MGAM: variants seen among roughly 807,000 people sequenced by gnomAD.
MGAM encodes alpha-1,4-glucosidase.
MGAM carries 253 observed loss-of-function variants against 358.8 expected under a neutral mutation model. That is an observed-to-expected ratio of 0.71 (90% confidence interval 0.64 to 0.78). MGAM has a LOEUF of 0.78. Among genes scored for constraint, MGAM ranks in the 30% least tolerant of loss-of-function variants. MGAM has a pLI of 0.00. For synonymous variants in MGAM, 1,105 were observed against 1,227.1 expected, an observed-to-expected ratio of 0.90 and a Z score of 2.08; for missense variants, 3,080 against 3,432.6, an observed-to-expected ratio of 0.90 and a Z score of 2.57.
intron 44 of MGAM, among the ~76,000 whole-genome samples, chr7:142,072,781 A>G (rs1472349293): frequency 6.8e-6 from 1 of 146,236 alleles, no homozygotes; most frequent in Non-Finnish European, 1.5e-5. Flanking sequence ...ACTTCCATCA[A>G]GGATCCCGGC....
In MGAM at chr7:142,042,513, A is replaced by G. The variant is rs1200739911; in HGVS notation, c.2498+1667A>G. ...TACATATATATAATATATAATATAT[A>G]TTATATATACATATTATATATATAA... is the stretch of plus-strand genomic sequence containing the variant. On this transcript the variant is annotated intron_variant, in intron 21 of 70. Coordinates refer to ENST00000475668, the MANE Select transcript of MGAM (RefSeq NM_001365693.1). 8.5e-5 allele frequency among the ~76,000 whole-genome samples: 2 copies of G among 23,568 alleles called. 1 individual carries two copies. The highest frequency in any genetic ancestry group is 4.6e-4 in the African/African-American group (2 of 4,394). The allele number at this position is 23,568 out of a possible 152,430, so 15.5% of individuals were successfully genotyped here.
At chr7:142,050,497 G>A (rs190708967) in intron 23 of MGAM, among the ~76,000 whole-genome samples, 200 bp from the exon 24 acceptor site, 133 of 152,292 alleles carry the variant, frequency 8.7e-4, no homozygotes, top group African/African-American at 3.1e-3. Flanking sequence ...GTTTTTAAAT[G>A]CCTGTGTGTT....
Position 142,092,758 on chromosome 7 carries a change from C to T in MGAM, c.7033+150C>T, listed in dbSNP as rs557574731. ...GGGGACCAGAGACAAAAGCTCTGCA[C>T]GCGCTTTACCCAGCTGGGCATGTGC... On this transcript the variant is annotated intron_variant, in intron 59 of 70. Transcript: ENST00000475668. 3.5e-4 allele frequency: 277 copies of T among 786,716 alleles called. 33 individuals carry two copies. Among genetic ancestry groups the T allele is most frequent in the Non-Finnish European group, 4.9e-4 (247 of 506,472 alleles). The allele number at this position is 786,716 out of a possible 1,614,324, so 48.7% of individuals were successfully genotyped here.
At chr7:142,041,812 T>A (rs1269920341) in intron 21 of MGAM, among the ~76,000 whole-genome samples, 4 of 139,650 alleles carry the variant, frequency 2.9e-5, no homozygotes, top group Non-Finnish European at 6.1e-5. Flanking sequence ...AAATCTTTCC[T>A]TAATCTTCCA....
chr7:142,004,224 A>G (rs782194924), intron 1 of MGAM, among the ~76,000 whole-genome samples: 2 of 152,100 alleles, frequency 1.3e-5, no homozygotes, highest in Non-Finnish European at 2.9e-5. Context: ...TTGTTTTATC[A>G]AGAAGACACC....
In MGAM at chr7:142,078,315, C is replaced by T; in HGVS notation, c.5494-3C>T. The T allele has an allele frequency of 6.8e-7, 1 of 1,462,992 alleles. No individual in the cohort carries two copies. The highest frequency in any genetic ancestry group is 1.4e-5 in the African/African-American group (1 of 72,822). 90.6% of individuals were successfully genotyped at this position (1,462,992 alleles called of 1,614,324 possible). ...TTTCCTTGTGATTTCTGCATTCCTA[C>T]AGGTCGCCATTATCACAGACATCAA... On this transcript the variant is annotated splice_polypyrimidine_tract_variant and splice_region_variant and intron_variant, in intron 47 of 70. Transcript: ENST00000475668.
At chr7:142,086,361 A>G in intron 56 of MGAM, 33 bp downstream of exon 56, 1 of 1,458,704 alleles carries the variant, frequency 6.9e-7, no homozygotes, top group South Asian at 1.2e-5. Flanking sequence ...AGTAGTCCCT[A>G]GCCTGAGGGT....
chr7:142,087,546 C>T lies in MGAM; in HGVS notation c.6810+829C>T, dbSNP rs767059466. Among the ~76,000 whole-genome samples, 17 of 146,090 alleles carry T rather than the reference C, an allele frequency of 1.2e-4. 1 individual carries two copies. Among genetic ancestry groups the T allele is most frequent in the Non-Finnish European group, 2.5e-4 (16 of 64,562 alleles). On this transcript the variant is annotated intron_variant, in intron 57 of 70. Transcript: ENST00000475668. ...TGCGGGTCCAAGGGCTTCCTGGAGA[C>T]CAAGTACCTTGCCCTACCTCTGGAG...
Position 142,100,981 on chromosome 7 carries a change from A to G in MGAM, c.7963+91A>G, listed in dbSNP as rs1387606905. On this transcript the variant is annotated intron_variant, in intron 68 of 70. Transcript: ENST00000475668. ...CCTGCTTTCACCTTTTCCCTATTAT[A>G]ACAATTTTGCATTTTAAAATATAAT... 3.5e-6 allele frequency: 4 copies of G among 1,156,770 alleles called. No individual in the cohort carries two copies. The African/African-American group carries it at 6.3e-5, about 18-fold the overall frequency. The allele number at this position is 1,156,770 out of a possible 1,614,324, so 71.7% of individuals were successfully genotyped here. A position where few individuals can be genotyped will look rare whatever the true frequency, so the allele number is the denominator to read the frequency against.
intron 24 of MGAM, among the ~76,000 whole-genome samples, chr7:142,051,489 T>G (rs1273394172): frequency 1.3e-5 from 2 of 152,124 alleles, no homozygotes; most frequent in African/African-American, 4.8e-5. Flanking sequence ...GAACTTTAAC[T>G]TGGGAAGTGT....
At chr7:142,028,277 T>A (rs1012234097) in intron 10 of MGAM, among the ~76,000 whole-genome samples, 1 of 152,138 alleles carries the variant, frequency 6.6e-6, no homozygotes, top group African/African-American at 2.4e-5. Flanking sequence ...GGTTCTTAGG[T>A]TTAGTGTCAG....
intron 3 of MGAM, among the ~76,000 whole-genome samples, chr7:142,017,125 T>G (rs148251726): frequency 1.2e-3 from 189 of 152,284 alleles, no homozygotes; most frequent in African/African-American, 4.3e-3. Context: ...CCCTACTCCT[T>G]CATAAACATG....
chr7:142,062,614 C>T lies in MGAM; in HGVS notation c.4169C>T (p.Thr1390Ile), dbSNP rs747625145. The change falls in exon 35 of 71, where the codon ACT (threonine) becomes ATT (isoleucine). Residue 1390 changes from threonine to isoleucine, a missense_variant. Thr to Ile is a moderately conservative substitution (Grantham distance 89). Transcript: ENST00000475668. ...TTCCCAGACTTTTTCCGTAATTCAA[C>T]TGCCAAGTGGTGGAAGAGGGAAATA... ...VAFPDFFRNS[T>I]AKWWKREIEE... The T allele has an allele frequency of 4.3e-6, 7 of 1,611,198 alleles. No individual in the cohort carries two copies. Among genetic ancestry groups the T allele is most frequent in the Non-Finnish European group, 5.9e-6 (7 of 1,178,188 alleles).
intron 4 of MGAM, among the ~76,000 whole-genome samples, chr7:142,020,586 A>AATATAT (rs201449305): frequency 2.1e-5 from 3 of 141,516 alleles, no homozygotes; most frequent in African/African-American, 8.1e-5. Flanking sequence ...CATGTATCCT[A>AATATAT]ATATATATAT....
rs1420016841 is a variant in MGAM at position 142,088,778 on chromosome 7, T to A, written c.6810+2061T>A. Reference sequence around the variant, plus strand: ...CTATCTATCTATCTATCTATCTATCTATCTATCTATCTATCTATCTATCAT... The same window carrying A: ...CTATCTATCTATCTATCTATCTATCAATCTATCTATCTATCTATCTATCAT... On this transcript the variant is annotated intron_variant, in intron 57 of 70. Transcript: ENST00000475668. Among the ~76,000 whole-genome samples, 40 of 134,292 alleles carry A rather than the reference T, an allele frequency of 3.0e-4. 3 individuals carry two copies. Among genetic ancestry groups the A allele is most frequent in the East Asian group, 1.2e-3 (5 of 4,156 alleles). 88.1% of individuals were successfully genotyped at this position (134,292 alleles called of 152,430 possible). A position where few individuals can be genotyped will look rare whatever the true frequency, so the allele number is the denominator to read the frequency against.
intron 22 of MGAM, 129 bp from the exon 23 acceptor site, chr7:142,050,106 A>G (rs1166893188): frequency 2.5e-6 from 2 of 786,832 alleles, no homozygotes; most frequent in East Asian, 2.5e-5. Context: ...ATTGAAAATT[A>G]TTCATCCATA....
chr7:142,036,087 C>A, intron 16 of MGAM, 82 bp from the exon 17 acceptor site: 1 of 1,039,710 alleles, frequency 9.6e-7, no homozygotes, highest in Non-Finnish European at 1.4e-6. Context: ...AAGCAAGGTT[C>A]AGTTGGGAGG....
In MGAM at chr7:142,065,917, T is replaced by G; in HGVS notation, c.4770+86T>G. On this transcript the variant is annotated intron_variant, in intron 40 of 70. Coordinates refer to ENST00000475668, the MANE Select transcript of MGAM (RefSeq NM_001365693.1). ...GTGCTAAAAGTAATGCAGTCTCTAT[T>G]TCCTGGGATATCTTTAAAAAAAGGT... 6 of 1,098,070 alleles carry G rather than the reference T, an allele frequency of 5.5e-6. 1 individual carries two copies. The highest frequency in any genetic ancestry group is 1.5e-5 in the South Asian group (1 of 66,940). The allele number at this position is 1,098,070 out of a possible 1,614,324, so 68.0% of individuals were successfully genotyped here.
Position 142,078,374 on chromosome 7 carries a change from G to C in MGAM, c.5550G>C (p.Trp1850Cys). Residue 1850 changes from tryptophan to cysteine, a missense_variant, in exon 48 of 71, where the codon TGG becomes TGC. Physicochemically the swap from Trp to Cys is radical, Grantham distance 215. Coordinates refer to ENST00000475668, the MANE Select transcript of MGAM (RefSeq NM_001365693.1). ...LFLGEAYTVE[W>C]SIKIRDEEKI... ...TGGGAGAAGCATACACAGTGGAGTG[G>C]AGCATAAAGATAAGGGATGAAGAAA... 1 of 1,519,040 alleles carries C rather than the reference G, an allele frequency of 6.6e-7. No homozygotes were observed. Among genetic ancestry groups the C allele is most frequent in the East Asian group, 2.4e-5 (1 of 42,398 alleles). 94.1% of individuals were successfully genotyped at this position (1,519,040 alleles called of 1,614,324 possible).
Sources: gnomAD v4.1 joint callset for allele counts (sites outside exome capture counted in the v4.1 genomes callset) on GRCh38, gnomAD v4.1.1 for gene constraint, MANE v1.5 for transcripts, NCBI Gene and HGNC (gene_info 2026-07-23, HGNC 2026-07-21) for gene names.